The following ARHGEF11 variants were observed in gnomAD, a reference collection of about 807,000 sequenced individuals.
The protein encoded by ARHGEF11 is Rho guanine nucleotide exchange factor 11.
ARHGEF11 carries 55 observed loss-of-function variants against 193.7 expected under a neutral mutation model. The observed-to-expected ratio is 0.28, with a 90% CI of 0.23 to 0.36. The LOEUF is 0.36. Ranked by LOEUF, ARHGEF11 falls within the 10% of genes least tolerant of loss-of-function variation. ARHGEF11 has a pLI of 1.00. For missense variants in ARHGEF11, 1,723 were observed against 2,005.6 expected, an observed-to-expected ratio of 0.86 and a Z score of 2.69; for synonymous variants, 693 against 768.0, an observed-to-expected ratio of 0.90 and a Z score of 1.62.
chr1:156,985,522 C>A (rs1198018234), intron 2 of ARHGEF11, among the ~76,000 whole-genome samples: 1 of 152,082 alleles, frequency 6.6e-6, no homozygotes, highest in Non-Finnish European at 1.5e-5. Context: ...CTTCTGGGTT[C>A]AAGCAATTCT....
chr1:156,955,939 A>G, intron 19 of ARHGEF11, 140 bp from the exon 20 acceptor site: 2 of 727,246 alleles, frequency 2.8e-6, no homozygotes, highest in Non-Finnish European at 4.9e-6. Context: ...CCTAACAAGC[A>G]TGTTCGCCTC....
intron 29 of ARHGEF11, chr1:156,945,474 C>T (rs763088011): frequency 6.7e-6 from 3 of 449,034 alleles, no homozygotes; most frequent in Non-Finnish European, 1.2e-5. Context: ...ATGCAAGGGA[C>T]AGAGACTGTG....
In ARHGEF11 at chr1:156,961,605, G is replaced by C. The variant is rs929509096; in HGVS notation, c.1239+72C>G. On this transcript the variant is annotated intron_variant, in intron 14 of 40. Transcript: ENST00000368194. ...TGTCTCTGTTTGGCCTGGATGTTTT[G>C]CTTAATTTTCCCTGCCTCTGAGTAG... The C allele has an allele frequency of 1.8e-5, 24 of 1,341,360 alleles. No homozygotes were observed. In the African/African-American group the frequency reaches 3.0e-4, roughly 17 times the overall value. The allele number at this position is 1,341,360 out of a possible 1,614,324, so 83.1% of individuals were successfully genotyped here. A position where few individuals can be genotyped will look rare whatever the true frequency, so the allele number is the denominator to read the frequency against.
chr1:156,936,010 G>A lies in ARHGEF11; in HGVS notation c.4679C>T (p.Pro1560Leu), dbSNP rs751258316. The change falls in exon 41 of 41, where the codon CCA (proline) becomes CTA (leucine). Residue 1560 changes from proline to leucine, a missense_variant. Around this residue, in one of 5 missense-constraint regions of ARHGEF11, gnomAD observed 360 missense variants for 344.4 expected, o/e 1.05. Coordinates refer to ENST00000368194, the MANE Select transcript of ARHGEF11 (RefSeq NM_198236.3). Reference protein sequence around the residue: ...EDSTADAAASPGP With the variant: ...EDSTADAAASLGP ...TGGTGGTTTGTACGGTTATGGTCCT[G>A]GTGACGCGGCTGCGTCTGCTGTGCT... 1.2e-6 allele frequency: 2 copies of A among 1,613,550 alleles called. No individual in the cohort carries two copies. The highest frequency in any genetic ancestry group is 1.1e-5 in the South Asian group (1 of 90,992).
chr1:156,979,365 T>A, intron 4 of ARHGEF11, 79 bp from the exon 5 acceptor site: 1 of 929,514 alleles, frequency 1.1e-6, no homozygotes, highest in Non-Finnish European at 1.6e-6. Context: ...ATGCCACTTT[T>A]TTTTTTTTTT....
At chr1:156,992,501 C>G (rs1665882652) in intron 1 of ARHGEF11, among the ~76,000 whole-genome samples, 2 of 152,216 alleles carry the variant, frequency 1.3e-5, no homozygotes, top group Admixed American at 6.5e-5. Flanking sequence ...CCCCAGCCCA[C>G]AGGGTGGGCG....
intron 1 of ARHGEF11, among the ~76,000 whole-genome samples, chr1:157,011,296 A>C (rs1668509297): frequency 6.6e-6 from 1 of 152,184 alleles, no homozygotes; most frequent in Non-Finnish European, 1.5e-5. Context: ...AAAATAATGA[A>C]GCTAGACCCC....
At chr1:157,012,737 A>G (rs1668692402) in intron 1 of ARHGEF11, among the ~76,000 whole-genome samples, 1 of 152,202 alleles carries the variant, frequency 6.6e-6, no homozygotes, top group South Asian at 2.1e-4. Context: ...TCTGGATAAA[A>G]AGAGTACCTA....
At chr1:157,026,787 A>G (rs540241922) in intron 1 of ARHGEF11, among the ~76,000 whole-genome samples, 5 of 152,350 alleles carry the variant, frequency 3.3e-5, no homozygotes, top group African/African-American at 9.6e-5. Context: ...CAAAATCAGT[A>G]AAGTGCTGAA....
At chr1:156,958,922 C>T (rs1660359972) in intron 16 of ARHGEF11, 58 bp from the exon 17 acceptor site, 1 of 1,611,852 alleles carries the variant, frequency 6.2e-7, no homozygotes, top group Non-Finnish European at 8.5e-7. Context: ...AACAGATGGA[C>T]ATCCAGAAAG....
At chr1:157,028,970 C>T (rs1449820063) in intron 1 of ARHGEF11, among the ~76,000 whole-genome samples, 1 of 151,730 alleles carries the variant, frequency 6.6e-6, no homozygotes, top group East Asian at 1.9e-4. Context: ...AGTTCGAGAC[C>T]AGCTGGGTAA....
rs1337507399 is a variant in ARHGEF11 at position 156,935,969 on chromosome 1, G to C, written c.*31C>G. 8 of 1,600,568 alleles carry C rather than the reference G, an allele frequency of 5.0e-6. 1 individual carries two copies. In the South Asian group the frequency reaches 8.9e-5, roughly 18 times the overall value. The stretch of plus-strand genomic sequence containing the variant: ...TCAGGCCAGTCCCTGAAGGAGGAGT[G>C]GGGACGCAGAGGATTTGGTGGTTTG... On this transcript the variant is annotated 3_prime_UTR_variant, in exon 41 of 41. Coordinates refer to ENST00000368194, the MANE Select transcript of ARHGEF11 (RefSeq NM_198236.3).
chr1:156,995,784 T>TCCTCAG (rs1472897134), intron 1 of ARHGEF11, among the ~76,000 whole-genome samples: 2 of 151,056 alleles, frequency 1.3e-5, no homozygotes, highest in African/African-American at 2.4e-5. Context: ...GCACAAGGGA[T>TCCTCAG]CCTCAGCCTC....
At chr1:156,938,586 A>T in intron 37 of ARHGEF11, 73 bp from the exon 38 acceptor site, 1 of 1,465,942 alleles carries the variant, frequency 6.8e-7, no homozygotes, top group South Asian at 1.2e-5. Flanking sequence ...AGAGAACAGG[A>T]AGGAGAGAGG....
At chr1:156,954,288 G>A (rs1388728319) in intron 21 of ARHGEF11, among the ~76,000 whole-genome samples, 2 of 149,126 alleles carry the variant, frequency 1.3e-5, no homozygotes, top group East Asian at 2.0e-4. Context: ...GCTGAGGCAC[G>A]AGAATCCCTT....
intron 1 of ARHGEF11, among the ~76,000 whole-genome samples, chr1:157,006,433 C>T (rs822581): frequency 0.78 from 119,208 of 152,098 alleles, 47,075 homozygotes; most frequent in Non-Finnish European, 0.84. Flanking sequence ...GAAGACAGAG[C>T]GGGACTGTGA....
At chr1:156,936,371 C>T in intron 40 of ARHGEF11, 1 of 431,686 alleles carries the variant, frequency 2.3e-6, no homozygotes, top group Non-Finnish European at 4.5e-6. Context: ...ATGGTGTGCA[C>T]CTGCAATCCC....
intron 1 of ARHGEF11, among the ~76,000 whole-genome samples, chr1:157,000,034 G>C (rs1271345144): frequency 6.6e-6 from 1 of 152,222 alleles, no homozygotes; most frequent in East Asian, 1.9e-4. Flanking sequence ...TGCGATCTCA[G>C]CTCACTGCAA....
At chr1:156,961,525 T>A in intron 14 of ARHGEF11, 152 bp downstream of exon 14, 1 of 652,994 alleles carries the variant, frequency 1.5e-6, no homozygotes, top group Non-Finnish European at 2.7e-6. Flanking sequence ...AGAGTGGCGC[T>A]AGGAACAGAA....
Sources: allele counts gnomAD v4.1 joint callset (sites outside exome capture counted in the v4.1 genomes callset), GRCh38; gene constraint gnomAD v4.1.1; regional missense constraint gnomAD v4.1.1; transcripts MANE v1.5; gene names NCBI Gene and HGNC (gene_info 2026-07-23, HGNC 2026-07-21).